The following PSKH1 variants were observed in gnomAD, a reference collection of about 807,000 sequenced individuals.
The protein encoded by PSKH1 is protein serine kinase H1.
A neutral mutation model predicts 26.7 loss-of-function variants in PSKH1; 12 were observed. The ratio of observed to expected loss-of-function variants is 0.45; its 90% confidence interval spans 0.29 to 0.73. The LOEUF (loss-of-function observed/expected upper bound fraction) is 0.73, where lower values mean the gene tolerates loss of function less well. Among genes scored for constraint, PSKH1 ranks in the 30% least tolerant of loss-of-function variants. The pLI, the probability that PSKH1 is intolerant of heterozygous loss-of-function variation, is 0.11. For missense variants in PSKH1, 431 were observed against 595.2 expected (o/e 0.72, Z 2.87); for synonymous variants, 213 against 234.3 (o/e 0.91, Z 0.83).
intron 2 of PSKH1, among the ~76,000 whole-genome samples, chr16:67,912,936 A>T (rs2151313112): frequency 6.6e-6 from 1 of 152,132 alleles, no homozygotes; most frequent in East Asian, 2.0e-4. Flanking sequence ...TTGTAATCTC[A>T]GCACAGTTTG....
chr16:67,926,766 C>T (rs573502408), intron 2 of PSKH1, among the ~76,000 whole-genome samples: 19 of 152,058 alleles, frequency 1.2e-4, no homozygotes, highest in Middle Eastern at 3.4e-3. Context: ...CGCCTGCCCT[C>T]AGCCGACTGG....
At chr16:67,925,739 G>T (rs1265982484) in intron 2 of PSKH1, among the ~76,000 whole-genome samples, 1 of 152,134 alleles carries the variant, frequency 6.6e-6, no homozygotes, top group African/African-American at 2.4e-5. Context: ...TGGTTCCCCT[G>T]TTGCTCCCAC....
intron 1 of PSKH1, among the ~76,000 whole-genome samples, chr16:67,896,945 CTATCAT>C (rs1006772186): frequency 3.3e-5 from 5 of 152,154 alleles, no homozygotes; most frequent in African/African-American, 1.2e-4. Context: ...CTGGAGTTCT[CTATCAT>C]AATCACAAGT....
At chr16:67,895,826 TG>T in intron 1 of PSKH1, among the ~76,000 whole-genome samples, 1 of 152,358 alleles carries the variant, frequency 6.6e-6, no homozygotes, top group South Asian at 2.1e-4. Context: ...CCTTGCCTTG[TG>T]GACTCCTGTT....
chr16:67,919,762 GCT>G (rs1262070818), intron 2 of PSKH1, among the ~76,000 whole-genome samples: 1 of 152,198 alleles, frequency 6.6e-6, no homozygotes, highest in Non-Finnish European at 1.5e-5. Context: ...GGCAGAGGAA[GCT>G]CTCTCCATGT....
At chr16:67,906,473 C>A (rs1374016975) in intron 1 of PSKH1, among the ~76,000 whole-genome samples, 6 of 151,908 alleles carry the variant, frequency 3.9e-5, no homozygotes, top group Non-Finnish European at 8.8e-5. Context: ...AGTGACTCTT[C>A]TGCCTCAGCC....
At chr16:67,924,200 C>A (rs541804326) in intron 2 of PSKH1, among the ~76,000 whole-genome samples, 2 of 152,340 alleles carry the variant, frequency 1.3e-5, no homozygotes, top group African/African-American at 4.8e-5. Context: ...CCTAGCTGCT[C>A]ACAGCTCTTC....
chr16:67,912,263 A>G (rs1490655756), intron 2 of PSKH1, among the ~76,000 whole-genome samples: 1 of 152,242 alleles, frequency 6.6e-6, no homozygotes, highest in Non-Finnish European at 1.5e-5. Context: ...GGAGTGCCCA[A>G]CAGTGAATTA....
chr16:67,907,038 A>G (rs1027983645), intron 1 of PSKH1, among the ~76,000 whole-genome samples: 1 of 151,020 alleles, frequency 6.6e-6, no homozygotes, highest in Admixed American at 6.6e-5. Context: ...ATCTCGGCTC[A>G]CTGCAAGCTC....
rs1256886493 is a variant in PSKH1, at chr16:67,927,617, G to A, written c.1250G>A (p.Arg417His). The A allele has an allele frequency of 1.8e-5, 29 of 1,607,808 alleles. No homozygotes were observed. Among genetic ancestry groups the A allele is most frequent in the Admixed American group, 6.7e-5 (4 of 59,986 alleles). ...RERELRELNL[R>H]YQQQYNG is the part of the protein sequence containing the mutation. ...CGGGAGCTGCGGGAGCTCAACCTGCGCTACCAGCAGCAATACAATGGCTGA... is the reference window on the plus strand; with the variant it reads ...CGGGAGCTGCGGGAGCTCAACCTGCACTACCAGCAGCAATACAATGGCTGA... The change falls in exon 3 of 3, where the codon CGC (arginine) becomes CAC (histidine). Residue 417 changes from arginine (R) to histidine (H), a missense_variant. Coordinates refer to ENST00000291041, the MANE Select transcript of PSKH1 (RefSeq NM_006742.3). The surrounding 1 kb of genome is among the most constrained non-coding windows in gnomAD (Gnocchi z 5.5).
At chr16:67,918,543 C>A (rs746325527) in intron 2 of PSKH1, among the ~76,000 whole-genome samples, 1 of 151,042 alleles carries the variant, frequency 6.6e-6, no homozygotes, top group Non-Finnish European at 1.5e-5. Flanking sequence ...ATACATTGAT[C>A]TGGGGCTAAG....
At chr16:67,897,453 T>G (rs753889148) in intron 1 of PSKH1, among the ~76,000 whole-genome samples, 2 of 152,202 alleles carry the variant, frequency 1.3e-5, no homozygotes, top group African/African-American at 4.8e-5. Flanking sequence ...GAAAGTTTTC[T>G]TTCCAAGCTG....
chr16:67,920,444 G>T (rs981004480), intron 2 of PSKH1, among the ~76,000 whole-genome samples: 2 of 152,100 alleles, frequency 1.3e-5, no homozygotes, highest in Non-Finnish European at 2.9e-5. Context: ...TAGGTTTCTT[G>T]TAGAGATAGG....
At chr16:67,916,870 C>T (rs558837181) in intron 2 of PSKH1, among the ~76,000 whole-genome samples, 1 of 152,208 alleles carries the variant, frequency 6.6e-6, no homozygotes, top group East Asian at 1.9e-4. Flanking sequence ...CCAGGCTACC[C>T]TCTGACCTGG....
intron 1 of PSKH1, among the ~76,000 whole-genome samples, chr16:67,898,625 CTTTT>C (rs141319654): frequency 1.4e-5 from 2 of 139,046 alleles, no homozygotes; most frequent in Admixed American, 7.3e-5. Context: ...TTCTTTCTTT[CTTTT>C]TTTTTTTTTT....
intron 2 of PSKH1, among the ~76,000 whole-genome samples, chr16:67,925,380 G>A (rs1840994744): frequency 6.6e-6 from 1 of 151,760 alleles, no homozygotes; most frequent in South Asian, 2.1e-4. Flanking sequence ...TTTTAGTAGA[G>A]ACGGGGTTTC....
intron 1 of PSKH1, among the ~76,000 whole-genome samples, chr16:67,895,733 C>T (rs995563225): frequency 5.3e-5 from 8 of 152,074 alleles, no homozygotes; most frequent in African/African-American, 1.9e-4. Flanking sequence ...AGAAAACTTC[C>T]CAGGTAACTT....
intron 2 of PSKH1, among the ~76,000 whole-genome samples, chr16:67,922,249 CTTG>C (rs1277453955): frequency 2.0e-5 from 3 of 152,140 alleles, no homozygotes; most frequent in Non-Finnish European, 4.4e-5. Flanking sequence ...GGGTGCCGTT[CTTG>C]TTGTCATGCT....
chr16:67,908,826 C>T lies in PSKH1; in HGVS notation c.77C>T (p.Pro26Leu), dbSNP rs1223803260. The change falls in exon 2 of 3, where the codon CCC becomes CTC. Residue 26 changes from proline (P) to leucine (L), a missense_variant. Pro to Leu is a moderately conservative substitution (Grantham distance 98, BLOSUM62 -3). Transcript: ENST00000291041. ...CTGGATCTGGTCAAGAAGGTGGAGC[C>T]CTTCAGTGGCACTAAGAGTGACGTG... ...VQLDLVKKVE[P>L]FSGTKSDVYK... 1 of 1,613,826 alleles carries T rather than the reference C, an allele frequency of 6.2e-7. No homozygotes were observed. The highest frequency in any genetic ancestry group is 1.7e-5 in the Admixed American group (1 of 59,982).
Sources: allele counts gnomAD v4.1 joint callset (sites outside exome capture counted in the v4.1 genomes callset), GRCh38; gene constraint gnomAD v4.1.1; non-coding constraint Gnocchi (gnomAD v3.1); transcripts MANE v1.5; gene names NCBI Gene and HGNC (gene_info 2026-07-23, HGNC 2026-07-21).